Variants in WWOX observed in about 807,000 individuals in gnomAD.
WWOX encodes the protein WW domain-containing oxidoreductase.
Under a neutral mutation model 46.2 loss-of-function variants are expected in WWOX, and 69 were observed. That is an observed-to-expected ratio of 1.49 (90% CI 1.23 to 1.82). The LOEUF (loss-of-function observed/expected upper bound fraction) is 1.82. Ranked by LOEUF, WWOX falls within the 40% of genes most tolerant of loss-of-function variation. The pLI is 0.00. For missense variants in WWOX, 919 were observed against 542.6 expected, an observed-to-expected ratio of 1.69 and a Z score of -6.89; for synonymous variants, 359 against 202.6, an observed-to-expected ratio of 1.77 and a Z score of -6.56.
At chr16:78,183,404 T>C (rs940490297) in intron 5 of WWOX, among the ~76,000 whole-genome samples, 2 of 151,968 alleles carry the variant, frequency 1.3e-5, no homozygotes, top group South Asian at 2.1e-4. Flanking sequence ...GCGTGAAAGG[T>C]TTTCTTTGAC....
chr16:79,210,289 G>A (rs12448954), intron 8 of WWOX, among the ~76,000 whole-genome samples: 26,210 of 152,038 alleles, frequency 0.17, 2,492 homozygotes, highest in East Asian at 0.31. Flanking sequence ...GATTCTTCAC[G>A]TCGTAACACC....
At chr16:78,617,512 C>G (rs1009325065) in intron 8 of WWOX, among the ~76,000 whole-genome samples, 1 of 152,012 alleles carries the variant, frequency 6.6e-6, no homozygotes, top group African/African-American at 2.4e-5. Context: ...TTGCCGAGCA[C>G]AAGTGGTGGA....
At chr16:78,703,811 T>C (rs1365000072) in intron 8 of WWOX, among the ~76,000 whole-genome samples, 1 of 152,134 alleles carries the variant, frequency 6.6e-6, no homozygotes, top group East Asian at 1.9e-4. Flanking sequence ...ATGCTCTGAG[T>C]TGCTGGTACT....
chr16:78,332,260 A>C (rs905476397), intron 5 of WWOX, among the ~76,000 whole-genome samples: 1 of 152,204 alleles, frequency 6.6e-6, no homozygotes, highest in African/African-American at 2.4e-5. Context: ...AGATGGATCT[A>C]CTATTTTAGA....
intron 8 of WWOX, among the ~76,000 whole-genome samples, chr16:78,610,348 T>A (rs113290817): frequency 7.9e-5 from 12 of 152,350 alleles, no homozygotes; most frequent in African/African-American, 2.6e-4. Flanking sequence ...TCAATTTCAT[T>A]ACTATTCATG....
At chr16:78,516,206 A>G (rs1359823168) in intron 8 of WWOX, among the ~76,000 whole-genome samples, 1 of 151,952 alleles carries the variant, frequency 6.6e-6, no homozygotes, top group African/African-American at 2.4e-5. Flanking sequence ...AGTCCTTCAC[A>G]CTCTTCTCTG....
intron 8 of WWOX, among the ~76,000 whole-genome samples, chr16:78,850,585 G>T (rs556616158): frequency 6.6e-6 from 1 of 152,034 alleles, no homozygotes; most frequent in Non-Finnish European, 1.5e-5. Flanking sequence ...CATTGTTTAC[G>T]ATTCCTTGGA....
chr16:78,452,895 G>A (rs1246412477), intron 8 of WWOX, among the ~76,000 whole-genome samples: 2 of 124,632 alleles, frequency 1.6e-5, no homozygotes, highest in African/African-American at 7.7e-5. Flanking sequence ...ATTTTTGAGA[G>A]GGAATCTTAC....
intron 5 of WWOX, among the ~76,000 whole-genome samples, chr16:78,215,875 G>A (rs1300746941): frequency 1.3e-5 from 2 of 151,132 alleles, no homozygotes; most frequent in African/African-American, 4.9e-5. Context: ...TCAGTGAGCC[G>A]AGATCATGCC....
intron 5 of WWOX, among the ~76,000 whole-genome samples, chr16:78,335,344 T>C (rs1364630141): frequency 1.3e-5 from 2 of 152,200 alleles, no homozygotes; most frequent in African/African-American, 4.8e-5. Flanking sequence ...GTTCTCATCA[T>C]GCAGCTCCCA....
At chr16:78,481,459 T>C (rs112957009) in intron 8 of WWOX, among the ~76,000 whole-genome samples, 131 of 152,242 alleles carry the variant, frequency 8.6e-4, no homozygotes, top group African/African-American at 3.1e-3. Context: ...GAAAGAGTCA[T>C]GGCATAGATG....
chr16:78,948,461 C>G (rs1034851012), intron 8 of WWOX, among the ~76,000 whole-genome samples: 3 of 152,186 alleles, frequency 2.0e-5, no homozygotes, highest in Admixed American at 1.3e-4. Context: ...AGGTCTGTCT[C>G]TTGCGGCATT....
chr16:79,027,060 A>T (rs6564634), intron 8 of WWOX, among the ~76,000 whole-genome samples: 1 of 151,178 alleles, frequency 6.6e-6, no homozygotes, highest in East Asian at 2.0e-4. Flanking sequence ...CAGGAGGATC[A>T]CGTGAGCCCA....
intron 5 of WWOX, among the ~76,000 whole-genome samples, chr16:78,164,568 G>C (rs1428886486): frequency 6.6e-6 from 1 of 152,156 alleles, no homozygotes; most frequent in Non-Finnish European, 1.5e-5. Context: ...AAAATAAAAC[G>C]TGGTGAACGC....
At chr16:78,165,608 T>G (rs1261364915) in intron 5 of WWOX, among the ~76,000 whole-genome samples, 1 of 152,028 alleles carries the variant, frequency 6.6e-6, no homozygotes, top group Non-Finnish European at 1.5e-5. Context: ...GCAGCGTGTT[T>G]GGGAGCAGAG....
chr16:79,090,826 T>C (rs1031455978), intron 8 of WWOX, among the ~76,000 whole-genome samples: 1 of 152,106 alleles, frequency 6.6e-6, no homozygotes, highest in Non-Finnish European at 1.5e-5. Flanking sequence ...TTTGTTTTTC[T>C]TTTTTTGAGA....
chr16:78,585,646 C>G (rs985023511), intron 8 of WWOX, among the ~76,000 whole-genome samples: 14 of 151,120 alleles, frequency 9.3e-5, no homozygotes, highest in African/African-American at 3.4e-4. Context: ...TTTGTTGTTG[C>G]TGTTGTTTTT....
At position 78,367,903 on chromosome 16, in the gene WWOX, C is replaced by T. The variant is rs1290474327; in HGVS notation, c.517-18957C>T. Among the ~76,000 whole-genome samples, 8 of 152,076 alleles carry T rather than the reference C, an allele frequency of 5.3e-5. No homozygotes were observed. The South Asian group carries it at 6.2e-4, about 12-fold the overall frequency. On this transcript the variant is annotated intron_variant, in intron 5 of 8. Coordinates refer to ENST00000566780, the MANE Select transcript of WWOX (RefSeq NM_016373.4). ...TCCTGAGTAGCTGTGATTACAGGTGCGTGACACCACACCCCGCTAATTTTT... is the reference window on the plus strand; with the variant it reads ...TCCTGAGTAGCTGTGATTACAGGTGTGTGACACCACACCCCGCTAATTTTT...
chr16:78,732,726 T>C (rs887774411), intron 8 of WWOX, among the ~76,000 whole-genome samples: 1 of 152,150 alleles, frequency 6.6e-6, no homozygotes, highest in Non-Finnish European at 1.5e-5. Context: ...CCTTGGTTAA[T>C]TTAAATAAAA....
Sources: gnomAD v4.1 joint callset for allele counts (sites outside exome capture counted in the v4.1 genomes callset) on GRCh38, gnomAD v4.1.1 for gene constraint, MANE v1.5 for transcripts, NCBI Gene and HGNC (gene_info 2026-07-23, HGNC 2026-07-21) for gene names.